Variants in GSDME observed in about 807,000 individuals in gnomAD.
The protein encoded by GSDME is gasdermin E, also known as gasdermin-E.
Under a neutral mutation model 47.5 loss-of-function variants are expected in GSDME, and 44 were observed. That is an observed-to-expected ratio of 0.93 (90% CI 0.73 to 1.19). The LOEUF (loss-of-function observed/expected upper bound fraction) is 1.19. GSDME is among the 50% of genes most tolerant of loss of function. GSDME has a pLI of 0.00. For missense variants in GSDME, 663 were observed against 604.2 expected, an observed-to-expected ratio of 1.10 and a Z score of -1.02; for synonymous variants, 258 against 252.8, an observed-to-expected ratio of 1.02 and a Z score of -0.20.
chr7:24,790,340 A>C, the GSDME span, among the ~76,000 whole-genome samples: 1 of 152,250 alleles, frequency 6.6e-6, no homozygotes, highest in Non-Finnish European at 1.5e-5. This position sits in a 1 kb window ranked among gnomAD's most constrained non-coding sequence, Gnocchi z 4.1. Context: ...GTGCCCAAGT[A>C]GCAGGCTCAT....
rs1790201185 is a variant in GSDME at position 24,733,246 on chromosome 7, G to A, written c.404+11316C>T. ...CTTGTTCTTCTGACTAAAGAGCCCT[G>A]GGCCCTGCATGATCTGCAACAGTAA... is the stretch of plus-strand genomic sequence containing the variant. On this transcript the variant is annotated intron_variant, in intron 3 of 9. Coordinates refer to ENST00000645220, the MANE Select transcript of GSDME (RefSeq NM_001127453.2). The surrounding 1 kb of genome is among the most constrained non-coding windows in gnomAD (Gnocchi z 4.3). Among the ~76,000 whole-genome samples, 1 of 151,778 alleles carries A rather than the reference G, an allele frequency of 6.6e-6. No individual in the cohort carries two copies. The highest frequency in any genetic ancestry group is 6.6e-5 in the Admixed American group (1 of 15,250).
At chr7:24,708,557 A>G (rs1388644906) in intron 6 of GSDME, among the ~76,000 whole-genome samples, 1 of 152,232 alleles carries the variant, frequency 6.6e-6, no homozygotes, top group African/African-American at 2.4e-5. Flanking sequence ...TGGAAAAGTT[A>G]TTTAAATTCT....
intron 3 of GSDME, among the ~76,000 whole-genome samples, chr7:24,729,153 T>C (rs1043936569): frequency 6.6e-6 from 1 of 152,186 alleles, no homozygotes; most frequent in Non-Finnish European, 1.5e-5. Context: ...GTGGATGAAA[T>C]GCAGCAAGCC....
intron 3 of GSDME, among the ~76,000 whole-genome samples, chr7:24,730,372 C>T (rs2521762): frequency 0.18 from 27,098 of 152,144 alleles, 2,446 homozygotes; most frequent in African/African-American, 0.19. Context: ...CTCAATGGTA[C>T]ATAGAATAAT....
rs1790512774 is a variant in GSDME, at chr7:24,742,156, C to T, written c.404+2406G>A. On this transcript the variant is annotated intron_variant, in intron 3 of 9. Coordinates refer to ENST00000645220, the MANE Select transcript of GSDME (RefSeq NM_001127453.2). This position sits in a 1 kb window ranked among gnomAD's most constrained non-coding sequence, Gnocchi z 4.4. ...GTGCCTGCTCAGGATAGTTTCTATT[C>T]CATGATTCACCCACCAAGTATCCTC... is the stretch of plus-strand genomic sequence containing the variant. 6.6e-6 allele frequency among the ~76,000 whole-genome samples: 1 copy of T among 152,180 alleles called. No homozygotes were observed. The highest frequency in any genetic ancestry group is 2.4e-5 in the African/African-American group (1 of 41,430).
chr7:24,785,211 G>T, the GSDME span, among the ~76,000 whole-genome samples: 1 of 152,156 alleles, frequency 6.6e-6, no homozygotes, highest in East Asian at 1.9e-4. Context: ...GCAGAGTTCA[G>T]TGTAACAGAG....
At chr7:24,708,385 A>G (rs1344794855) in intron 6 of GSDME, 131 bp from the exon 7 acceptor site, 1 of 1,123,006 alleles carries the variant, frequency 8.9e-7, no homozygotes, top group African/African-American at 1.6e-5. Flanking sequence ...ATAGTCAGTC[A>G]TGGAACTCAG....
At chr7:24,760,656 GATTGCTTCCCAGAGGAACATAGCTACT>G (rs1479612146), upstream of GSDME, among the ~76,000 whole-genome samples, 5 of 151,948 alleles carry the variant, frequency 3.3e-5, no homozygotes. This position sits in a 1 kb window ranked among gnomAD's most constrained non-coding sequence, Gnocchi z 4.2. Context: ...TTACCATATT[GATTGCTTCCCAGAGGAACATAGCTACT>G]AACATAAATT....
rs1562695329 is a variant in GSDME, at chr7:24,716,607, C to G, written c.697+647G>C. ...AGTGAGCAGACACGCTGAACCAAAGCTTGGATTTTCTTCCGTGACAACAGC... is the reference window on the plus strand; with the variant it reads ...AGTGAGCAGACACGCTGAACCAAAGGTTGGATTTTCTTCCGTGACAACAGC... On this transcript the variant is annotated intron_variant, in intron 5 of 9. Transcript: ENST00000645220. This position sits in a 1 kb window ranked among gnomAD's most constrained non-coding sequence, Gnocchi z 4.5. 6.4e-6 allele frequency: 1 copy of G among 156,728 alleles called. No individual in the cohort carries two copies. The highest frequency in any genetic ancestry group is 1.4e-5 in the Non-Finnish European group (1 of 70,698). The allele number at this position is 156,728 out of a possible 1,614,324, so 9.7% of individuals were successfully genotyped here. A position where few individuals can be genotyped will look rare whatever the true frequency, so the allele number is the denominator to read the frequency against.
intron 2 of GSDME, among the ~76,000 whole-genome samples, chr7:24,748,541 CAT>C (rs1229294106): frequency 2.6e-5 from 4 of 152,202 alleles, no homozygotes; most frequent in South Asian, 4.1e-4. Flanking sequence ...GGAATTAACA[CAT>C]GATGGTAGAA....
intron 3 of GSDME, among the ~76,000 whole-genome samples, chr7:24,741,996 A>G (rs1790508021): frequency 6.6e-6 from 1 of 151,798 alleles, no homozygotes; most frequent in Non-Finnish European, 1.5e-5. Context: ...TTTATTCTTT[A>G]TCATGCTTCT....
In GSDME at chr7:24,702,821, C is replaced by T. The variant is rs1562684606; in HGVS notation, c.1196G>A (p.Ser399Asn). Residue 399 changes from serine (S) to asparagine (N), a missense_variant, in exon 9 of 10, where the codon AGC (serine) becomes AAC (asparagine). Coordinates refer to ENST00000645220, the MANE Select transcript of GSDME (RefSeq NM_001127453.2). ...GCAAGTGCCCAGCAGAGCTGCTGCG[C>T]TATCTGGCATTTCTGCAGGAGAGAA... ...LVSALAEMPD[S>N]AAALLGTCCK... 1 of 1,613,180 alleles carries T rather than the reference C, an allele frequency of 6.2e-7. No individual in the cohort carries two copies. Among genetic ancestry groups the T allele is most frequent in the Admixed American group, 1.7e-5 (1 of 60,002 alleles).
At chr7:24,772,922 G>C in the GSDME span, among the ~76,000 whole-genome samples, 1 of 152,160 alleles carries the variant, frequency 6.6e-6, no homozygotes, top group Non-Finnish European at 1.5e-5. This position sits in a 1 kb window ranked among gnomAD's most constrained non-coding sequence, Gnocchi z 4.5. Flanking sequence ...TAATTGCTAT[G>C]GACTTGGCAA....
chr7:24,776,373 T>G, the GSDME span, among the ~76,000 whole-genome samples: 5 of 152,158 alleles, frequency 3.3e-5, no homozygotes, highest in Admixed American at 2.6e-4. Context: ...AATTGTCACT[T>G]GTTTTAACTT....
intron 5 of GSDME, among the ~76,000 whole-genome samples, chr7:24,713,349 GTTTT>G (rs1789430317): frequency 6.6e-6 from 1 of 152,138 alleles, no homozygotes; most frequent in African/African-American, 2.4e-5. Flanking sequence ...TCCTTCAGAG[GTTTT>G]ATGACCTGCT....
the GSDME span, among the ~76,000 whole-genome samples, chr7:24,776,125 A>G: frequency 7.0e-6 from 1 of 141,930 alleles, no homozygotes; most frequent in Non-Finnish European, 1.5e-5. Context: ...GGTTGCAGTG[A>G]CCTGAGACCG....
chr7:24,731,506 G>A (rs1032713206), intron 3 of GSDME, among the ~76,000 whole-genome samples: 2 of 152,222 alleles, frequency 1.3e-5, no homozygotes, highest in Admixed American at 6.5e-5. Flanking sequence ...ACGTGGAAAC[G>A]CCAAGGACTT....
At chr7:24,758,137 T>G (rs1331381210), upstream of GSDME, 1 of 152,254 alleles carries the variant, frequency 6.6e-6, no homozygotes, top group Non-Finnish European at 1.5e-5. This position sits in a 1 kb window ranked among gnomAD's most constrained non-coding sequence, Gnocchi z 4.6. Flanking sequence ...AAATATTAGC[T>G]CTTTTTGTAA....
In GSDME at chr7:24,728,735, A is replaced by G. The variant is rs151088095; in HGVS notation, c.405-9517T>C. 7.2e-3 allele frequency among the ~76,000 whole-genome samples: 1,090 copies of G among 152,284 alleles called. 11 individuals carry two copies. Among genetic ancestry groups the G allele is most frequent in the African/African-American group, 0.025 (1,024 of 41,574 alleles). On this transcript the variant is annotated intron_variant, in intron 3 of 9. Coordinates refer to ENST00000645220, the MANE Select transcript of GSDME (RefSeq NM_001127453.2). The surrounding 1 kb of genome is among the most constrained non-coding windows in gnomAD (Gnocchi z 7.2). ...TCCCCCGCAGGTACTAGCAGTCCCC[A>G]TTTCAACCACGTTTCATAACAGAAA...
Sources: allele counts gnomAD v4.1 joint callset (sites outside exome capture counted in the v4.1 genomes callset), GRCh38; gene constraint gnomAD v4.1.1; non-coding constraint Gnocchi (gnomAD v3.1); transcripts MANE v1.5; gene names NCBI Gene and HGNC (gene_info 2026-07-23, HGNC 2026-07-21).